CNTN4: variants seen among roughly 807,000 people sequenced by gnomAD.
CNTN4 encodes contactin-4.
Under a neutral mutation model 122.5 loss-of-function variants are expected in CNTN4, and 77 were observed. The observed-to-expected ratio is 0.63, with a 90% confidence interval of 0.52 to 0.76. CNTN4 has a LOEUF of 0.76. CNTN4 is among the 30% of genes least tolerant of loss of function. The pLI is 0.00. For missense variants in CNTN4, 1,256 were observed against 1,259.1 expected (o/e 1.00, Z 0.04); for synonymous variants, 512 against 447.0 (o/e 1.15, Z -1.83).
Position 2,502,843 on chromosome 3 carries a change from A to G in CNTN4, c.-88-68573A>G, listed in dbSNP as rs574220808. Among the ~76,000 whole-genome samples the G allele has an allele frequency of 6.6e-5, 10 of 152,212 alleles. No individual in the cohort carries two copies. In the East Asian group the frequency reaches 1.2e-3, roughly 18 times the overall value. On this transcript the variant is annotated intron_variant, in intron 3 of 24. Coordinates refer to ENST00000418658, the MANE Select transcript of CNTN4 (RefSeq NM_175607.3). ...CTCTGACACAAAAGTTCTTTTATAA[A>G]TCTTAGTAACAGTGCTTTTATTATG...
At chr3:2,896,171 T>A (rs1276429476) in intron 10 of CNTN4, among the ~76,000 whole-genome samples, 1 of 152,174 alleles carries the variant, frequency 6.6e-6, no homozygotes, top group African/African-American at 2.4e-5. Flanking sequence ...GTTCTTATAA[T>A]ACAAGATATC....
intron 2 of CNTN4, among the ~76,000 whole-genome samples, chr3:2,324,943 A>C (rs925052205): frequency 6.6e-6 from 1 of 152,080 alleles, no homozygotes; most frequent in Non-Finnish European, 1.5e-5. Flanking sequence ...TCTTCCCCCC[A>C]GTTTTTCATT....
Position 2,490,716 on chromosome 3 carries a change from T to C in CNTN4, c.-88-80700T>C, listed in dbSNP as rs150444973. Among the ~76,000 whole-genome samples the C allele has an allele frequency of 2.6e-5, 4 of 152,284 alleles. No individual in the cohort carries two copies. In the East Asian group the frequency reaches 7.7e-4, roughly 29 times the overall value. On this transcript the variant is annotated intron_variant, in intron 3 of 24. Transcript: ENST00000418658. Reference sequence around the variant, plus strand: ...TTTGTATGTATTATTAAATTTATCTTATAGGAAAAATCTCACCCTGAAATA... The same window carrying C: ...TTTGTATGTATTATTAAATTTATCTCATAGGAAAAATCTCACCCTGAAATA...
intron 3 of CNTN4, among the ~76,000 whole-genome samples, chr3:2,365,144 C>T (rs1398090658): frequency 2.6e-5 from 4 of 151,778 alleles, no homozygotes; most frequent in African/African-American, 7.3e-5. Context: ...GATTTGAAGC[C>T]CTTGTAACGA....
At chr3:2,966,257 ATAGC>A (rs1462400541) in intron 13 of CNTN4, among the ~76,000 whole-genome samples, 1 of 152,288 alleles carries the variant, frequency 6.6e-6, no homozygotes, top group African/African-American at 2.4e-5. Context: ...TTTACAGTTG[ATAGC>A]TAGTATAAAT....
At chr3:2,973,212 G>A (rs1693100388) in intron 13 of CNTN4, among the ~76,000 whole-genome samples, 1 of 152,062 alleles carries the variant, frequency 6.6e-6, no homozygotes, top group Non-Finnish European at 1.5e-5. Flanking sequence ...TTGCTGTAAG[G>A]ACTTGAGTCG....
Position 3,043,645 on chromosome 3 carries a change from A to G in CNTN4, c.2752A>G (p.Ile918Val). The G allele has an allele frequency of 1.2e-6, 2 of 1,614,126 alleles. No homozygotes were observed. The highest frequency in any genetic ancestry group is 1.7e-6 in the Non-Finnish European group (2 of 1,179,954). The change falls in exon 23 of 25, where the codon ATC becomes GTC. Residue 918 changes from isoleucine to valine, a missense_variant. Coordinates refer to ENST00000418658, the MANE Select transcript of CNTN4 (RefSeq NM_175607.3). ...ATGGAATTCATCAGACTCCAAAATT[A>G]TCCTGAATTGGGATCAAGTGAAGGC... is the stretch of plus-strand genomic sequence containing the variant. ...IIWNSSDSKI[I>V]LNWDQVKALD...
At chr3:2,586,366 C>T (rs2080204455) in intron 4 of CNTN4, among the ~76,000 whole-genome samples, 1 of 152,214 alleles carries the variant, frequency 6.6e-6, no homozygotes, top group Non-Finnish European at 1.5e-5. Context: ...AATATCGGCT[C>T]ACTGCAACTT....
intron 4 of CNTN4, among the ~76,000 whole-genome samples, chr3:2,705,383 G>A (rs1248840917): frequency 1.5e-4 from 19 of 130,918 alleles, no homozygotes; most frequent in African/African-American, 5.3e-4. Context: ...AAAAAAAAAA[G>A]AATTCTCAGC....
At chr3:2,730,646 T>C (rs1221249623) in intron 4 of CNTN4, among the ~76,000 whole-genome samples, 1 of 152,234 alleles carries the variant, frequency 6.6e-6, no homozygotes, top group Non-Finnish European at 1.5e-5. Context: ...TCTAGCTTCC[T>C]GCTTTATGCG....
intron 2 of CNTN4, among the ~76,000 whole-genome samples, chr3:2,314,699 A>G (rs2043032408): frequency 6.6e-6 from 1 of 152,044 alleles, no homozygotes; most frequent in Non-Finnish European, 1.5e-5. Context: ...TTAATACTGT[A>G]GTAATTTGAT....
intron 3 of CNTN4, among the ~76,000 whole-genome samples, chr3:2,444,063 T>A (rs1314586533): frequency 6.6e-6 from 1 of 152,168 alleles, no homozygotes; most frequent in East Asian, 1.9e-4. Flanking sequence ...CTTTCCTTCA[T>A]GGCAATGTAA....
At chr3:2,807,592 G>A (rs1014756695) in intron 6 of CNTN4, among the ~76,000 whole-genome samples, 3 of 151,880 alleles carry the variant, frequency 2.0e-5, no homozygotes, top group Non-Finnish European at 2.9e-5. Flanking sequence ...AACAGCCCTC[G>A]TTGAGCCAGT....
At chr3:2,428,447 T>C (rs558975581) in intron 3 of CNTN4, among the ~76,000 whole-genome samples, 1 of 152,224 alleles carries the variant, frequency 6.6e-6, no homozygotes, top group Non-Finnish European at 1.5e-5. Context: ...GATCAGCTGT[T>C]AGTCTGATGG....
intron 2 of CNTN4, among the ~76,000 whole-genome samples, chr3:2,260,273 G>A (rs1169429306): frequency 6.6e-6 from 1 of 152,076 alleles, no homozygotes; most frequent in Non-Finnish European, 1.5e-5. Context: ...AGGAAGTTCA[G>A]CAGCTACCAT....
chr3:2,331,911 C>T (rs906572170), intron 2 of CNTN4, among the ~76,000 whole-genome samples: 1 of 152,190 alleles, frequency 6.6e-6, no homozygotes, highest in African/African-American at 2.4e-5. Flanking sequence ...GTTATCTTGT[C>T]TAGCCCACTG....
chr3:2,420,750 G>A (rs969322991), intron 3 of CNTN4, among the ~76,000 whole-genome samples: 12 of 151,994 alleles, frequency 7.9e-5, no homozygotes, highest in African/African-American at 2.7e-4. Flanking sequence ...TTTACTGGAC[G>A]CCTTCAATCC....
intron 2 of CNTN4, among the ~76,000 whole-genome samples, chr3:2,112,365 T>C (rs572414191): frequency 1.3e-5 from 2 of 152,314 alleles, no homozygotes; most frequent in South Asian, 2.1e-4. Flanking sequence ...GGGAAATGAA[T>C]TTCTGTTTAC....
intron 3 of CNTN4, among the ~76,000 whole-genome samples, chr3:2,409,397 G>A (rs142204562): frequency 0.025 from 3,730 of 151,912 alleles, 173 homozygotes; most frequent in African/African-American, 0.086. Context: ...ACAGGCGCCC[G>A]CCACCACGGC....
Sources: gnomAD v4.1 joint callset for allele counts (sites outside exome capture counted in the v4.1 genomes callset) on GRCh38, gnomAD v4.1.1 for gene constraint, MANE v1.5 for transcripts, NCBI Gene and HGNC (gene_info 2026-07-23, HGNC 2026-07-21) for gene names.